The following PRRC2C variants were observed in gnomAD, a reference collection of about 807,000 sequenced individuals.
The protein encoded by PRRC2C is proline rich coiled-coil 2C.
In PRRC2C, 72 loss-of-function variants were observed where a neutral mutation model predicts 317.2. That is an observed-to-expected ratio of 0.23 (90% CI 0.19 to 0.28). The LOEUF (loss-of-function observed/expected upper bound fraction) is 0.28. PRRC2C is among the 10% of genes least tolerant of loss of function. The pLI is 1.00. For synonymous variants in PRRC2C, 1,296 were observed against 1,205.9 expected (o/e 1.07, Z -1.55); for missense variants, 3,074 against 3,459.7 (o/e 0.89, Z 2.80).
chr1:171,540,761 C>G lies in PRRC2C; in HGVS notation c.3295C>G (p.Gln1099Glu), dbSNP rs762929297. Residue 1099 changes from glutamine to glutamate, a missense_variant, in exon 16 of 35, where the codon CAA (glutamine) becomes GAA (glutamate). Physicochemically the swap from Gln to Glu is conservative, Grantham distance 29 (BLOSUM62 2). Around this residue, in one of 11 missense-constraint regions of PRRC2C, gnomAD observed 1,320 missense variants for 1,395.7 expected, o/e 0.95. Transcript: ENST00000647382. ...TTCAACAGAAACTGCAACTTTGGCT[C>G]AAAAACCATCTCAGGATACTGAGAA... The part of the protein sequence containing the change: ...FPSTETATLA[Q>E]KPSQDTEKPL... The G allele has an allele frequency of 6.2e-7, 1 of 1,613,934 alleles. No homozygotes were observed. Among genetic ancestry groups the G allele is most frequent in the Non-Finnish European group, 8.5e-7 (1 of 1,179,858 alleles).
intron 1 of PRRC2C, among the ~76,000 whole-genome samples, chr1:171,503,112 C>T (rs1189323012): frequency 6.6e-6 from 1 of 152,182 alleles, no homozygotes; most frequent in Non-Finnish European, 1.5e-5. Context: ...AACAGTGTTA[C>T]AGGTGTGGGT....
intron 18 of PRRC2C, among the ~76,000 whole-genome samples, chr1:171,556,081 C>T (rs1371435060): frequency 6.6e-6 from 1 of 152,154 alleles, no homozygotes; most frequent in East Asian, 1.9e-4. Context: ...GGGCTCCCCG[C>T]AGTTCAAGCT....
At chr1:171,572,868 G>T (rs1685019021) in intron 24 of PRRC2C, among the ~76,000 whole-genome samples, 1 of 152,118 alleles carries the variant, frequency 6.6e-6, no homozygotes, top group African/African-American at 2.4e-5. Context: ...TACACATTGA[G>T]AATTAAATTT....
In PRRC2C at chr1:171,589,529, G is replaced by C; in HGVS notation, c.8360G>C (p.Arg2787Thr). Residue 2787 changes from arginine (R) to threonine (T), a missense_variant, in exon 34 of 35, where the codon AGG becomes ACG. Arg to Thr is a moderately conservative substitution (Grantham distance 71). This residue lies in a region of PRRC2C where 490 missense variants were observed against 663.1 expected (regional missense o/e 0.74). Transcript: ENST00000647382. ...MSHARLPHVA[R>T]GPCGSLSGVR... ...CATGCTCGTTTGCCACATGTAGCCA[G>C]GGGTCCTTGTGGATCACTATCTGGA... The C allele has an allele frequency of 1.6e-6, 2 of 1,289,772 alleles. No homozygotes were observed. Among genetic ancestry groups the C allele is most frequent in the Non-Finnish European group, 2.0e-6 (2 of 988,862 alleles). 79.9% of individuals were successfully genotyped at this position (1,289,772 alleles called of 1,614,324 possible). A position where few individuals can be genotyped will look rare whatever the true frequency, so the allele number is the denominator to read the frequency against.
chr1:171,540,988 A>G lies in PRRC2C; in HGVS notation c.3522A>G (p.Lys1174=). ...ESTLPPRTYW[K]EARERDWFPD... is the part of the protein sequence containing the mutation. Reference sequence around the variant, plus strand: ...CTTTGCCTCCCAGGACCTATTGGAAAGAAGCTAGAGAGAGAGATTGGTTTC... The same window carrying G: ...CTTTGCCTCCCAGGACCTATTGGAAGGAAGCTAGAGAGAGAGATTGGTTTC... The change falls in exon 16 of 35, where the codon AAA becomes AAG. Residue 1174 remains lysine, a synonymous_variant. Transcript: ENST00000647382. 1.2e-6 allele frequency: 2 copies of G among 1,613,812 alleles called. No homozygotes were observed. The highest frequency in any genetic ancestry group is 8.5e-7 in the Non-Finnish European group (1 of 1,179,848).
At chr1:171,515,884 A>G (rs769648829) in intron 5 of PRRC2C, 25 bp downstream of exon 5, 13 of 1,563,672 alleles carry the variant, frequency 8.3e-6, no homozygotes, top group African/African-American at 1.4e-5. Flanking sequence ...TCTTTAATAC[A>G]AAATGAGATC....
chr1:171,581,820 G>A (rs1648666620), intron 28 of PRRC2C, among the ~76,000 whole-genome samples: 1 of 152,192 alleles, frequency 6.6e-6, no homozygotes, highest in Admixed American at 6.5e-5. Context: ...ACATAGGTCA[G>A]TTTTAACAAA....
chr1:171,532,014 T>C (rs1675976953), intron 11 of PRRC2C, among the ~76,000 whole-genome samples: 1 of 152,242 alleles, frequency 6.6e-6, no homozygotes, highest in Admixed American at 6.5e-5. Context: ...GTATCCATGC[T>C]AAATTTCCTT....
intron 24 of PRRC2C, 147 bp from the exon 25 acceptor site, chr1:171,574,780 A>C: frequency 1.3e-6 from 1 of 756,190 alleles, no homozygotes; most frequent in East Asian, 2.7e-5. Flanking sequence ...CTAGGGTCTT[A>C]GGGTCTTAGA....
intron 6 of PRRC2C, among the ~76,000 whole-genome samples, chr1:171,519,022 T>C (rs1673046905): frequency 6.6e-6 from 1 of 151,814 alleles, no homozygotes; most frequent in African/African-American, 2.4e-5. Context: ...TAGCTGGGAT[T>C]ATAGCTGCCC....
chr1:171,524,399 T>TA (rs1674184223), intron 9 of PRRC2C, among the ~76,000 whole-genome samples: 1 of 152,214 alleles, frequency 6.6e-6, no homozygotes, highest in South Asian at 2.1e-4. Flanking sequence ...AACATCGTTT[T>TA]ATGATCGTTT....
intron 20 of PRRC2C, among the ~76,000 whole-genome samples, chr1:171,562,452 A>AG (rs531019757): frequency 1.7e-3 from 259 of 152,352 alleles, no homozygotes; most frequent in Non-Finnish European, 2.6e-3. Context: ...AATAATTCAT[A>AG]GGTGGCAAGA....
intron 11 of PRRC2C, among the ~76,000 whole-genome samples, chr1:171,528,061 T>C (rs549350497): frequency 6.6e-6 from 1 of 152,212 alleles, no homozygotes; most frequent in East Asian, 1.9e-4. Flanking sequence ...ACCTAGGAGA[T>C]AACTTTTTTT....
Position 171,591,576 on chromosome 1 carries a change from C to A in PRRC2C, c.8437-11C>A. The A allele has an allele frequency of 6.2e-7, 1 of 1,606,710 alleles. No homozygotes were observed. Among genetic ancestry groups the A allele is most frequent in the Non-Finnish European group, 8.5e-7 (1 of 1,174,902 alleles). On this transcript the variant is annotated splice_polypyrimidine_tract_variant and intron_variant, in intron 34 of 34. Transcript: ENST00000647382. ...TGCAGTATTTTCAGTTGTTCTTTCT[C>A]ATTTTTTAAGGCAAAGCAGAGAGCA...
intron 1 of PRRC2C, among the ~76,000 whole-genome samples, chr1:171,503,635 C>A (rs752246550): frequency 4.0e-5 from 6 of 151,898 alleles, no homozygotes; most frequent in Non-Finnish European, 7.4e-5. Flanking sequence ...ATAATTTTAG[C>A]AATTGTATTG....
chr1:171,531,805 A>G (rs1289675248), intron 11 of PRRC2C, among the ~76,000 whole-genome samples: 6 of 152,160 alleles, frequency 3.9e-5, no homozygotes, highest in Admixed American at 3.9e-4. Context: ...CTTCACCCAG[A>G]CTAATTTGTA....
intron 18 of PRRC2C, among the ~76,000 whole-genome samples, chr1:171,553,822 G>T (rs1257856789): frequency 6.6e-6 from 1 of 152,130 alleles, no homozygotes; most frequent in Non-Finnish European, 1.5e-5. Flanking sequence ...ATTGCACTGT[G>T]GTCTGAGAGA....
chr1:171,560,198 A>G (rs1457559623), intron 19 of PRRC2C, among the ~76,000 whole-genome samples: 2 of 152,234 alleles, frequency 1.3e-5, no homozygotes, highest in African/African-American at 2.4e-5. Flanking sequence ...GAATATCAAC[A>G]TTAACAGGGG....
intron 9 of PRRC2C, 58 bp downstream of exon 9, chr1:171,523,580 A>G (rs1198533863): frequency 7.5e-7 from 1 of 1,328,940 alleles, no homozygotes; most frequent in Non-Finnish European, 1.1e-6. Flanking sequence ...AATATTAGCT[A>G]CTTATGCAAA....
Sources: gnomAD v4.1 joint callset for allele counts (sites outside exome capture counted in the v4.1 genomes callset) on GRCh38, gnomAD v4.1.1 for gene constraint, gnomAD v4.1.1 regional missense constraint, MANE v1.5 for transcripts, NCBI Gene and HGNC (gene_info 2026-07-23, HGNC 2026-07-21) for gene names.